Variants in TRAPPC9 observed in about 807,000 individuals in gnomAD.
The protein encoded by TRAPPC9 is IKK2 binding protein.
In TRAPPC9, 83 loss-of-function variants were observed where a neutral mutation model predicts 124.0. The ratio of observed to expected loss-of-function variants is 0.67; its 90% CI spans 0.56 to 0.80. The LOEUF (loss-of-function observed/expected upper bound fraction) is 0.80. Among genes scored for constraint, TRAPPC9 ranks in the 30% least tolerant of loss-of-function variants. The probability of loss-of-function intolerance (pLI) is 0.00; values close to 1 mark genes in which losing one functional copy is unlikely to be tolerated. For synonymous variants in TRAPPC9, 638 were observed against 617.5 expected (o/e 1.03, Z -0.49); for missense variants, 1,302 against 1,508.3 (o/e 0.86, Z 2.27).
chr8:140,231,445 T>C (rs1023791311), intron 16 of TRAPPC9, among the ~76,000 whole-genome samples: 2 of 151,450 alleles, frequency 1.3e-5, no homozygotes, highest in African/African-American at 2.4e-5. Context: ...AATCCAAAGA[T>C]TATTTTTTAA....
intron 16 of TRAPPC9, among the ~76,000 whole-genome samples, chr8:140,235,134 G>A (rs938987134): frequency 1.1e-4 from 17 of 152,092 alleles, no homozygotes; most frequent in African/African-American, 3.9e-4. Flanking sequence ...ACCATGCCCA[G>A]CTAGTTTTTT....
intron 21 of TRAPPC9, among the ~76,000 whole-genome samples, chr8:139,733,154 T>C (rs572827818): frequency 3.9e-5 from 6 of 152,274 alleles, no homozygotes; most frequent in African/African-American, 1.2e-4. Flanking sequence ...GAGCTCATTC[T>C]GGATTAGAGT....
chr8:140,285,550 C>G (rs2065458501), intron 13 of TRAPPC9, among the ~76,000 whole-genome samples: 1 of 152,166 alleles, frequency 6.6e-6, no homozygotes, highest in African/African-American at 2.4e-5. Flanking sequence ...TGTGTAAGAA[C>G]CCAGGTCGGC....
intron 17 of TRAPPC9, among the ~76,000 whole-genome samples, chr8:140,209,703 T>A (rs529365672): frequency 8.5e-4 from 130 of 152,324 alleles, no homozygotes; most frequent in African/African-American, 3.0e-3. Context: ...GAAACTTAAC[T>A]CCTTACAATA....
intron 21 of TRAPPC9, among the ~76,000 whole-genome samples, chr8:139,805,343 C>T (rs1271967890): frequency 3.3e-5 from 5 of 152,214 alleles, no homozygotes; most frequent in Non-Finnish European, 7.3e-5. Context: ...CCCAATCCAA[C>T]CTCCTCCCGG....
chr8:140,360,989 G>A (rs868165137), intron 8 of TRAPPC9, among the ~76,000 whole-genome samples: 1 of 152,052 alleles, frequency 6.6e-6, no homozygotes, highest in African/African-American at 2.4e-5. Context: ...CTCCTACCTT[G>A]GCCTCCCAAA....
At chr8:139,873,620 C>A (rs550518508) in intron 21 of TRAPPC9, among the ~76,000 whole-genome samples, 2 of 152,270 alleles carry the variant, frequency 1.3e-5, no homozygotes, top group Non-Finnish European at 2.9e-5. Flanking sequence ...AGAGGACAGA[C>A]AAATGGCCAA....
chr8:140,379,489 A>T (rs577772933), intron 7 of TRAPPC9, among the ~76,000 whole-genome samples: 2 of 152,196 alleles, frequency 1.3e-5, no homozygotes, highest in Admixed American at 6.5e-5. Context: ...TCTGGCTCAC[A>T]TTACACCTTC....
Position 140,300,555 on chromosome 8 carries a change from A to G in TRAPPC9, c.1682T>C (p.Leu561Pro), listed in dbSNP as rs1429175969. Residue 561 changes from leucine to proline, a missense_variant, in exon 11 of 23, where the codon CTG becomes CCG. Transcript: ENST00000438773. ...SLRPHKMKSLLGQNVSTKSPF... is the reference protein window; with the variant it reads ...SLRPHKMKSLPGQNVSTKSPF... ...ACTTTTGGTTGACACGTTCTGACCC[A>G]GCAAGCTTTTCATTTTGTGTGGCCG... 6.2e-6 allele frequency: 10 copies of G among 1,614,140 alleles called. No individual in the cohort carries two copies. Among genetic ancestry groups the G allele is most frequent in the Non-Finnish European group, 2.5e-6 (3 of 1,180,038 alleles).
chr8:139,761,388 G>A (rs1158339042), intron 21 of TRAPPC9, among the ~76,000 whole-genome samples: 1 of 152,146 alleles, frequency 6.6e-6, no homozygotes, highest in Non-Finnish European at 1.5e-5. Context: ...AATCCTCCTG[G>A]CAAATTTACC....
At chr8:140,279,163 G>A (rs981233912) in intron 14 of TRAPPC9, among the ~76,000 whole-genome samples, 1 of 152,188 alleles carries the variant, frequency 6.6e-6, no homozygotes, top group South Asian at 2.1e-4. Context: ...CAAAGACAGG[G>A]TCAACCTCTA....
At chr8:140,434,453 T>C (rs1168964173) in intron 4 of TRAPPC9, among the ~76,000 whole-genome samples, 1 of 152,148 alleles carries the variant, frequency 6.6e-6, no homozygotes, top group Non-Finnish European at 1.5e-5. Context: ...GCCAATAAAA[T>C]AAGAAACTGC....
At chr8:140,418,067 G>C (rs545654548) in intron 5 of TRAPPC9, among the ~76,000 whole-genome samples, 118 of 152,298 alleles carry the variant, frequency 7.7e-4, no homozygotes, top group African/African-American at 2.6e-3. Flanking sequence ...GTCAGGGAAT[G>C]GGGGGCTAGG....
At chr8:140,423,714 A>G (rs1463786599) in intron 5 of TRAPPC9, among the ~76,000 whole-genome samples, 1 of 151,510 alleles carries the variant, frequency 6.6e-6, no homozygotes, top group Non-Finnish European at 1.5e-5. Context: ...ACACATATAT[A>G]CATATATACA....
At chr8:140,333,578 A>G (rs1437362864) in intron 9 of TRAPPC9, among the ~76,000 whole-genome samples, 1 of 152,150 alleles carries the variant, frequency 6.6e-6, no homozygotes, top group Non-Finnish European at 1.5e-5. Flanking sequence ...TTTAGTAAAG[A>G]CGGGATTTTG....
chr8:140,296,045 A>G (rs2065794572), intron 11 of TRAPPC9, among the ~76,000 whole-genome samples: 1 of 152,208 alleles, frequency 6.6e-6, no homozygotes, highest in African/African-American at 2.4e-5. Flanking sequence ...CGAGTCCTGC[A>G]ACCTGGCATG....
chr8:140,030,778 T>A (rs912980130), intron 17 of TRAPPC9, among the ~76,000 whole-genome samples: 20 of 152,352 alleles, frequency 1.3e-4, no homozygotes, highest in African/African-American at 4.6e-4. Flanking sequence ...TACCATTGCT[T>A]GTATGTATAT....
At chr8:139,793,536 G>A (rs886182610) in intron 21 of TRAPPC9, among the ~76,000 whole-genome samples, 29 of 152,188 alleles carry the variant, frequency 1.9e-4, no homozygotes, top group African/African-American at 7.0e-4. Context: ...CTGGACTGTT[G>A]CTGACAGTCA....
chr8:140,096,280 T>C (rs956004284), intron 17 of TRAPPC9: 1 of 152,198 alleles, frequency 6.6e-6, no homozygotes, highest in Admixed American at 6.5e-5. Flanking sequence ...GATAAGGTTA[T>C]GGAGAGCCTT....
Sources: gnomAD v4.1 joint callset for allele counts (sites outside exome capture counted in the v4.1 genomes callset) on GRCh38, gnomAD v4.1.1 for gene constraint, MANE v1.5 for transcripts, NCBI Gene and HGNC (gene_info 2026-07-23, HGNC 2026-07-21) for gene names.